The following TRRAP variants were observed in gnomAD, a reference collection of about 807,000 sequenced individuals.
TRRAP encodes transformation/transcription domain associated protein.
A neutral mutation model predicts 438.8 loss-of-function variants in TRRAP; 41 were observed. That is an observed-to-expected ratio of 0.09 (90% CI 0.07 to 0.12). TRRAP has a LOEUF of 0.12. Ranked by LOEUF, TRRAP falls within the 10% of genes least tolerant of loss-of-function variation. The pLI is 1.00. For synonymous variants in TRRAP, 1,994 were observed against 1,962.9 expected, an observed-to-expected ratio of 1.02 and a Z score of -0.42; for missense variants, 3,122 against 5,055.1, an observed-to-expected ratio of 0.62 and a Z score of 11.60.
At chr7:98,982,932 G>A (rs1482246239) in intron 59 of TRRAP, among the ~76,000 whole-genome samples, 1 of 152,178 alleles carries the variant, frequency 6.6e-6, no homozygotes, top group African/African-American at 2.4e-5. Flanking sequence ...CAGGGAGGGT[G>A]GCAAAGGGCA....
Position 98,960,759 on chromosome 7 carries a change from T to TTGTG in TRRAP, c.6490-474_6490-471dup, listed in dbSNP as rs35384186. Reference sequence around the variant, plus strand: ...GGCGTATGCCACCATGCCTGGCTTTTTGTGTGTGTGTGTGTGTGTGTGTGT... The same window carrying TTGTG: ...GGCGTATGCCACCATGCCTGGCTTTTTGTGTGTGTGTGTGTGTGTGTGTGTGTGT... On this transcript the variant is annotated intron_variant, in intron 45 of 72. Transcript: ENST00000456197. Among the ~76,000 whole-genome samples, 418 of 144,922 alleles carry TTGTG rather than the reference T, an allele frequency of 2.9e-3. 3 individuals are homozygous for TTGTG. Among genetic ancestry groups the TTGTG allele is most frequent in the African/African-American group, 9.8e-3 (388 of 39,396 alleles).
rs1391538530 is a variant in TRRAP, at chr7:99,005,498, G to C, written c.10753+150G>C. Reference sequence around the variant, plus strand: ...GAATGTTGTAGTCTGTGCTGACCAGGGAAGGCCTCAGGAAGAGGAGCAGCT... The same window carrying C: ...GAATGTTGTAGTCTGTGCTGACCAGCGAAGGCCTCAGGAAGAGGAGCAGCT... On this transcript the variant is annotated intron_variant, in intron 69 of 72. Transcript: ENST00000456197. The surrounding 1 kb of genome is among the most constrained non-coding windows in gnomAD (Gnocchi z 5.1). The C allele has an allele frequency of 5.4e-6, 4 of 734,216 alleles. No homozygotes were observed. The highest frequency in any genetic ancestry group is 2.7e-5 in the Admixed American group (1 of 37,582). 45.5% of individuals were successfully genotyped at this position (734,216 alleles called of 1,614,324 possible). A position where few individuals can be genotyped will look rare whatever the true frequency, so the allele number is the denominator to read the frequency against.
At chr7:98,978,395 C>G in intron 57 of TRRAP, 72 bp downstream of exon 57, 1 of 1,360,260 alleles carries the variant, frequency 7.4e-7, no homozygotes, top group South Asian at 1.3e-5. Context: ...CTGACCTTTT[C>G]TTGTAATGAG....
chr7:98,954,577 C>T (rs1791504258), intron 40 of TRRAP, among the ~76,000 whole-genome samples: 1 of 152,214 alleles, frequency 6.6e-6, no homozygotes, highest in Non-Finnish European at 1.5e-5. Flanking sequence ...CTTCTCTGCT[C>T]CTCCCCACTG....
At chr7:98,987,857 A>T (rs1444888930) in intron 62 of TRRAP, among the ~76,000 whole-genome samples, 1 of 152,106 alleles carries the variant, frequency 6.6e-6, no homozygotes, top group Non-Finnish European at 1.5e-5. Context: ...CTTCTGTTCT[A>T]AATTTGCTGG....
chr7:98,900,143 T>G (rs1346508375), intron 10 of TRRAP, among the ~76,000 whole-genome samples: 2 of 152,074 alleles, frequency 1.3e-5, no homozygotes, highest in Non-Finnish European at 2.9e-5. Flanking sequence ...CATCTCCAGA[T>G]AGGCTGTGTT....
chr7:99,002,122 C>CGGGGGGGGGGGGGG (rs1003090262), intron 67 of TRRAP, among the ~76,000 whole-genome samples: 1 of 5,170 alleles, frequency 1.9e-4, no homozygotes, highest in African/African-American at 7.3e-4. Context: ...AGGGGAGAGG[C>CGGGGGGGGGGGGGG]GGGGGGGTGG....
At chr7:98,950,661 A>C (rs552305691) in intron 38 of TRRAP, among the ~76,000 whole-genome samples, 1 of 152,332 alleles carries the variant, frequency 6.6e-6, no homozygotes, top group African/African-American at 2.4e-5. Context: ...CTTGTTTGAC[A>C]TGAAAAGAAT....
At chr7:98,997,245 G>T (rs1793708777) in intron 67 of TRRAP, among the ~76,000 whole-genome samples, 1 of 151,928 alleles carries the variant, frequency 6.6e-6, no homozygotes, top group South Asian at 2.1e-4. Context: ...GACGGAGGTT[G>T]CAGTGAGCCA....
At position 98,937,638 on chromosome 7, in the gene TRRAP, CTTTTT is replaced by C; in HGVS notation, c.4234-10_4234-6del. The C allele has an allele frequency of 6.3e-7, 1 of 1,588,354 alleles. No homozygotes were observed. Among genetic ancestry groups the C allele is most frequent in the Non-Finnish European group, 8.5e-7 (1 of 1,170,328 alleles). On this transcript the variant is annotated splice_region_variant and splice_polypyrimidine_tract_variant and intron_variant, in intron 29 of 72. Transcript: ENST00000456197. ...TTGTCTATTTTTCTTTACAACTTTTCTTTTTTAATAGTTTTTAGAAGGTGCTACCA... is the reference window on the plus strand; with the variant it reads ...TTGTCTATTTTTCTTTACAACTTTTCTAATAGTTTTTAGAAGGTGCTACCA...
rs1438065888 is a variant in TRRAP, at chr7:98,884,009, T to G, written c.150+1985T>G. ...TCTGTGGATAGCCCAGGGTCTTTCC[T>G]TGGTGGGATTCAACCTCAAATTCTG... On this transcript the variant is annotated intron_variant, in intron 3 of 72. Transcript: ENST00000456197. Among the ~76,000 whole-genome samples the G allele has an allele frequency of 2.0e-5, 3 of 152,162 alleles. No individual in the cohort carries two copies. In the East Asian group the frequency reaches 5.8e-4, roughly 29 times the overall value.
At chr7:98,922,287 C>T (rs1203394265) in intron 21 of TRRAP, among the ~76,000 whole-genome samples, 8 of 152,204 alleles carry the variant, frequency 5.3e-5, no homozygotes, top group East Asian at 1.9e-4. Context: ...CGCAGCCACA[C>T]GCAGTGCCTC....
Position 98,948,831 on chromosome 7 carries a change from G to A in TRRAP, c.4788+146G>A, listed in dbSNP as rs897509988. 41 of 1,364,604 alleles carry A rather than the reference G, an allele frequency of 3.0e-5. No individual in the cohort carries two copies. The African/African-American group carries it at 3.5e-4, about 12-fold the overall frequency. The allele number at this position is 1,364,604 out of a possible 1,614,324, so 84.5% of individuals were successfully genotyped here. On this transcript the variant is annotated intron_variant, in intron 35 of 72. Transcript: ENST00000456197. This position sits in a 1 kb window ranked among gnomAD's most constrained non-coding sequence, Gnocchi z 4.9. ...TTTGAATATTGGAAACAGCATTGCT[G>A]TTTGGTTGTGTCTGTGAAATGTGCA...
chr7:98,948,135 G>A lies in TRRAP; in HGVS notation c.4549-86G>A. 6.3e-7 allele frequency: 1 copy of A among 1,575,166 alleles called. No individual in the cohort carries two copies. The highest frequency in any genetic ancestry group is 1.1e-5 in the South Asian group (1 of 88,730). ...CTGCCTAGCCTTGCCAACATAGTTA[G>A]ACTATAGTAGGGTCTGTAGTGACGT... On this transcript the variant is annotated intron_variant, in intron 33 of 72. Transcript: ENST00000456197. The surrounding 1 kb of genome is among the most constrained non-coding windows in gnomAD (Gnocchi z 4.9).
At chr7:98,892,562 C>T (rs369032359) in intron 5 of TRRAP, 34 bp downstream of exon 5, 102 of 1,493,204 alleles carry the variant, frequency 6.8e-5, no homozygotes, top group Non-Finnish European at 9.1e-5. Context: ...GTCGTATAGC[C>T]GTATGTAAAA....
chr7:98,977,395 A>G (rs971450106), intron 56 of TRRAP, among the ~76,000 whole-genome samples: 1 of 152,128 alleles, frequency 6.6e-6, no homozygotes, highest in Non-Finnish European at 1.5e-5. Context: ...CTCCTGACCT[A>G]AGATCCGCCC....
intron 53 of TRRAP, among the ~76,000 whole-genome samples, 188 bp downstream of exon 53, chr7:98,972,133 C>T (rs903939337): frequency 1.1e-4 from 16 of 152,242 alleles, no homozygotes; most frequent in African/African-American, 2.4e-4. Flanking sequence ...GCCTCAGTCT[C>T]CTGGGCCAAG....
chr7:99,003,802 G>A (rs1214553994), intron 67 of TRRAP, among the ~76,000 whole-genome samples: 1 of 152,216 alleles, frequency 6.6e-6, no homozygotes, highest in Non-Finnish European at 1.5e-5. Context: ...AGTGGTTCAC[G>A]CCTGTAATCC....
At chr7:98,937,328 G>A in intron 29 of TRRAP, 51 bp downstream of exon 29, 1 of 1,577,200 alleles carries the variant, frequency 6.3e-7, no homozygotes, top group African/African-American at 1.4e-5. Flanking sequence ...ACACACATGT[G>A]TGTGTACTCT....
Sources: gnomAD v4.1 joint callset for allele counts (sites outside exome capture counted in the v4.1 genomes callset) on GRCh38, gnomAD v4.1.1 for gene constraint, Gnocchi (gnomAD v3.1) non-coding constraint, MANE v1.5 for transcripts, NCBI Gene and HGNC (gene_info 2026-07-23, HGNC 2026-07-21) for gene names.